The following ARHGEF11 variants were observed in gnomAD, a reference collection of about 807,000 sequenced individuals.
ARHGEF11 encodes Rho guanine nucleotide exchange factor 11.
ARHGEF11 carries 55 observed loss-of-function variants against 193.7 expected under a neutral mutation model. That is an observed-to-expected ratio of 0.28 (90% CI 0.23 to 0.36). The LOEUF (loss-of-function observed/expected upper bound fraction) is 0.36, where lower values mean the gene tolerates loss of function less well. ARHGEF11 is among the 10% of genes least tolerant of loss of function. The pLI is 1.00. For missense variants in ARHGEF11, 1,723 were observed against 2,005.6 expected, an observed-to-expected ratio of 0.86 and a Z score of 2.69; for synonymous variants, 693 against 768.0, an observed-to-expected ratio of 0.90 and a Z score of 1.62.
intron 5 of ARHGEF11, among the ~76,000 whole-genome samples, chr1:156,978,873 C>T (rs1052702947): frequency 6.6e-6 from 1 of 152,158 alleles, no homozygotes; most frequent in Non-Finnish European, 1.5e-5. Context: ...GTTGCTTTTC[C>T]CTGCCAAACA....
At chr1:157,035,914 T>C (rs1486997964) in intron 1 of ARHGEF11, among the ~76,000 whole-genome samples, 1,417 of 32,280 alleles carry the variant, frequency 0.044, 153 homozygotes, top group Middle Eastern at 0.11. Context: ...TATGAATCTA[T>C]ATATAGGAAT....
chr1:156,979,220 C>T lies in ARHGEF11; in HGVS notation c.331+9G>A. The T allele has an allele frequency of 1.9e-6, 3 of 1,613,834 alleles. No individual in the cohort carries two copies. Among genetic ancestry groups the T allele is most frequent in the Non-Finnish European group, 2.5e-6 (3 of 1,179,766 alleles). On this transcript the variant is annotated intron_variant, in intron 5 of 40. Transcript: ENST00000368194. ...TCCCTACTTTAGTTGTCACCTCTCT[C>T]CAACTCACATTTGATCAGCTTTACC...
intron 1 of ARHGEF11, among the ~76,000 whole-genome samples, chr1:156,999,502 C>A (rs545770473): frequency 6.6e-6 from 1 of 152,026 alleles, no homozygotes; most frequent in Non-Finnish European, 1.5e-5. Context: ...AGAACTACAT[C>A]CCTAGCCTGG....
chr1:157,026,894 C>T (rs1162351544), intron 1 of ARHGEF11, among the ~76,000 whole-genome samples: 2 of 152,114 alleles, frequency 1.3e-5, no homozygotes, highest in East Asian at 1.9e-4. Context: ...AGAAAACAAA[C>T]GGGTGGAGAA....
chr1:156,955,904 C>A, intron 19 of ARHGEF11, 105 bp from the exon 20 acceptor site: 1 of 852,446 alleles, frequency 1.2e-6, no homozygotes, highest in Non-Finnish European at 2.0e-6. Context: ...CAGCAAGTAA[C>A]TGGAGAGCTG....
In ARHGEF11 at chr1:157,019,457, C is replaced by T. The variant is rs528142906; in HGVS notation, c.32+24842G>A. On this transcript the variant is annotated intron_variant, in intron 1 of 40. Transcript: ENST00000368194. ...CCAGTGGGAATGTGAAATTATAAAA[C>T]CACTTTGAGAAACAATTTGGAAATT... 1.1e-4 allele frequency among the ~76,000 whole-genome samples: 16 copies of T among 152,298 alleles called. No individual in the cohort carries two copies. The South Asian group carries it at 3.3e-3, about 32-fold the overall frequency.
chr1:156,954,748 C>T (rs1329489124), intron 21 of ARHGEF11, 144 bp downstream of exon 21: 1 of 776,360 alleles, frequency 1.3e-6, no homozygotes, highest in Admixed American at 2.6e-5. Flanking sequence ...ATGAGCAACG[C>T]ATAAGAGAAA....
At chr1:156,943,667 G>A (rs534726021) in intron 32 of ARHGEF11, among the ~76,000 whole-genome samples, 1 of 152,146 alleles carries the variant, frequency 6.6e-6, no homozygotes, top group Admixed American at 6.5e-5. Context: ...CACCCATCCT[G>A]GGTGTGCACA....
intron 1 of ARHGEF11, among the ~76,000 whole-genome samples, chr1:157,037,807 G>A (rs994643130): frequency 6.6e-6 from 1 of 151,988 alleles, no homozygotes; most frequent in African/African-American, 2.4e-5. Flanking sequence ...GAAGTGGGCG[G>A]TTTACTTGAG....
chr1:157,006,831 C>T (rs1161723485), intron 1 of ARHGEF11, among the ~76,000 whole-genome samples: 1 of 152,230 alleles, frequency 6.6e-6, no homozygotes. Context: ...TGCCAGGAGC[C>T]TGAGCCAGAA....
chr1:156,944,887 G>C, intron 30 of ARHGEF11, 132 bp downstream of exon 30: 1 of 1,218,184 alleles, frequency 8.2e-7, no homozygotes, highest in East Asian at 2.4e-5. Context: ...TGTGTCTTCT[G>C]GGGCTCCATT....
intron 22 of ARHGEF11, chr1:156,949,068 T>C (rs777095408): frequency 1.0e-6 from 1 of 985,368 alleles, no homozygotes; most frequent in Non-Finnish European, 1.2e-6. Flanking sequence ...TATCTGCTGC[T>C]GGATTCTTAG....
rs758569904 is a variant in ARHGEF11 at position 156,948,215 on chromosome 1, G to C, written c.2119C>G (p.Pro707Ala). The change falls in exon 24 of 41, where the codon CCA (proline) becomes GCA (alanine). Residue 707 changes from proline to alanine, a missense_variant. By Grantham distance (27) the Pro-to-Ala change is conservative. Coordinates refer to ENST00000368194, the MANE Select transcript of ARHGEF11 (RefSeq NM_198236.3). This position sits in a 1 kb window ranked among gnomAD's most constrained non-coding sequence, Gnocchi z 4.2. ...SSLSTRSLEN[P>A]TPPFTPKMGR... ...ATTTTGGGAGTGAATGGAGGGGTTG[G>C]GTTCTCAAGAGACCTGTGGAGGGAA... 6.3e-7 allele frequency: 1 copy of C among 1,583,824 alleles called. No homozygotes were observed. Among genetic ancestry groups the C allele is most frequent in the East Asian group, 2.2e-5 (1 of 44,522 alleles).
At chr1:156,990,280 A>G (rs1665525881) in intron 1 of ARHGEF11, among the ~76,000 whole-genome samples, 1 of 152,212 alleles carries the variant, frequency 6.6e-6, no homozygotes, top group African/African-American at 2.4e-5. Context: ...TTCATGTTAA[A>G]CATTTTTAAG....
intron 35 of ARHGEF11, 113 bp from the exon 36 acceptor site, chr1:156,940,538 T>A: frequency 4.1e-6 from 4 of 968,694 alleles, no homozygotes; most frequent in Non-Finnish European, 5.9e-6. Flanking sequence ...ATTCTACAGT[T>A]GTTTACTGAG....
At chr1:157,039,507 C>T (rs1212059684) in intron 1 of ARHGEF11, among the ~76,000 whole-genome samples, 1 of 152,128 alleles carries the variant, frequency 6.6e-6, no homozygotes, top group Non-Finnish European at 1.5e-5. Context: ...TGAAGTTATA[C>T]TTTTTTCTTT....
At chr1:157,032,580 C>T (rs766523576) in intron 1 of ARHGEF11, among the ~76,000 whole-genome samples, 17 of 152,174 alleles carry the variant, frequency 1.1e-4, no homozygotes, top group African/African-American at 4.1e-4. Flanking sequence ...TAGGGCAATA[C>T]ATCCCTACCT....
intron 19 of ARHGEF11, 29 bp from the exon 20 acceptor site, chr1:156,955,828 C>A (rs1281110951): frequency 6.4e-7 from 1 of 1,574,604 alleles, no homozygotes; most frequent in Non-Finnish European, 8.7e-7. Flanking sequence ...CTGGTGTTTG[C>A]AGGAGGTCCT....
chr1:156,991,710 A>ATTTTTTTTTTTTT (rs57140356), intron 1 of ARHGEF11, among the ~76,000 whole-genome samples: 14 of 83,958 alleles, frequency 1.7e-4, no homozygotes, highest in African/African-American at 3.1e-4. Flanking sequence ...TTTCAAGCTT[A>ATTTTTTTTTTTTT]TTTTTTTTTT....
Sources: gnomAD v4.1 joint callset for allele counts (sites outside exome capture counted in the v4.1 genomes callset) on GRCh38, gnomAD v4.1.1 for gene constraint, Gnocchi (gnomAD v3.1) non-coding constraint, MANE v1.5 for transcripts, NCBI Gene and HGNC (gene_info 2026-07-23, HGNC 2026-07-21) for gene names.